LRRK2: variants seen among roughly 807,000 people sequenced by gnomAD.
LRRK2 encodes leucine-rich repeat serine/threonine-protein kinase 2.
LRRK2 carries 203 observed loss-of-function variants against 302.6 expected under a neutral mutation model. The observed-to-expected ratio is 0.67, with a 90% confidence interval of 0.60 to 0.75. LRRK2 has a LOEUF of 0.75. Among genes scored for constraint, LRRK2 ranks in the 30% least tolerant of loss-of-function variants. The probability of loss-of-function intolerance (pLI) is 0.00; values close to 1 mark genes in which losing one functional copy is unlikely to be tolerated. For missense variants in LRRK2, 2,830 were observed against 2,951.0 expected, an observed-to-expected ratio of 0.96 and a Z score of 0.95; for synonymous variants, 1,066 against 1,031.9, an observed-to-expected ratio of 1.03 and a Z score of -0.63.
chr12:40,250,013 A>T (rs1036371350), intron 8 of LRRK2, 68 bp downstream of exon 8: 3 of 1,576,620 alleles, frequency 1.9e-6, no homozygotes, highest in Admixed American at 3.5e-5. Context: ...CATTGTAACA[A>T]GAGAATCATA....
intron 18 of LRRK2, among the ~76,000 whole-genome samples, chr12:40,281,477 AG>A (rs1331819637): frequency 6.6e-6 from 1 of 152,224 alleles, no homozygotes; most frequent in Non-Finnish European, 1.5e-5. Flanking sequence ...GATCAGAGAA[AG>A]ATTGCAGGGA....
chr12:40,330,864 G>A (rs1225517634), intron 39 of LRRK2, among the ~76,000 whole-genome samples: 2 of 152,060 alleles, frequency 1.3e-5, no homozygotes, highest in African/African-American at 4.8e-5. Context: ...TCTCTTACAG[G>A]TTTCTAATAT....
intron 44 of LRRK2, among the ~76,000 whole-genome samples, chr12:40,352,509 A>T (rs1172841575): frequency 2.6e-5 from 3 of 115,506 alleles, no homozygotes; most frequent in African/African-American, 9.3e-5. Flanking sequence ...TTTCTCGCAG[A>T]GGGGGATTTG....
At chr12:40,315,448 G>C in intron 33 of LRRK2, 148 bp downstream of exon 33, 1 of 713,840 alleles carries the variant, frequency 1.4e-6, no homozygotes, top group Admixed American at 2.1e-5. Context: ...TCACATAGAA[G>C]ACTACTTGAA....
At chr12:40,343,636 G>GA (rs1376416818) in intron 41 of LRRK2, among the ~76,000 whole-genome samples, 9 of 152,090 alleles carry the variant, frequency 5.9e-5, no homozygotes, top group African/African-American at 1.4e-4. Context: ...AGGCTTCTCT[G>GA]AAAAATTATT....
intron 12 of LRRK2, among the ~76,000 whole-genome samples, chr12:40,258,463 A>G (rs900610263): frequency 1.3e-5 from 2 of 152,134 alleles, no homozygotes; most frequent in Admixed American, 6.6e-5. Context: ...AATGAGGCAA[A>G]AACACAGCGG....
At chr12:40,251,730 A>G (rs1377678091) in intron 10 of LRRK2, among the ~76,000 whole-genome samples, 186 bp downstream of exon 10, 2 of 152,218 alleles carry the variant, frequency 1.3e-5, no homozygotes, top group African/African-American at 2.4e-5. Flanking sequence ...GGAGTTAGAA[A>G]AGGTAGAATG....
chr12:40,351,410 A>C lies in LRRK2; in HGVS notation c.6382-129A>C, dbSNP rs1219779315. The C allele has an allele frequency of 6.9e-6, 5 of 725,908 alleles. No individual in the cohort carries two copies. The African/African-American group carries it at 8.8e-5, about 13-fold the overall frequency. 45.0% of individuals were successfully genotyped at this position (725,908 alleles called of 1,614,324 possible). On this transcript the variant is annotated intron_variant, in intron 43 of 50. Transcript: ENST00000298910. ...TTTAGATTACTAATCTTGGTGATCT[A>C]GTTGGGTTCCAGTTTAACAGTTTTA...
At position 40,322,383 on chromosome 12, in the gene LRRK2, G is replaced by A; in HGVS notation, c.5382G>A (p.Gly1794=). The change falls in exon 37 of 51, where the codon GGG becomes GGA. Residue 1794 remains glycine (G), a synonymous_variant. Transcript: ENST00000298910. The part of the protein sequence containing the change: ...IDSLMEEWFP[G]LLEIDICGEG... ...CTCTCATGGAAGAATGGTTTCCTGG[G>A]TTGCTGGAGATTGATATTTGTGGTG... is the stretch of plus-strand genomic sequence containing the variant. 1.2e-6 allele frequency: 2 copies of A among 1,613,696 alleles called. No homozygotes were observed. The highest frequency in any genetic ancestry group is 1.7e-4 in the Middle Eastern group (1 of 6,060).
intron 33 of LRRK2, among the ~76,000 whole-genome samples, chr12:40,319,489 A>G (rs1216282039): frequency 6.6e-6 from 1 of 152,108 alleles, no homozygotes; most frequent in African/African-American, 2.4e-5. Context: ...CACTGCAAGT[A>G]GAATCCATCA....
At chr12:40,233,260 C>A (rs954852915) in intron 3 of LRRK2, among the ~76,000 whole-genome samples, 4 of 152,222 alleles carry the variant, frequency 2.6e-5, no homozygotes, top group African/African-American at 9.6e-5. Context: ...AACTTTAAAT[C>A]TTTTTTATAC....
At chr12:40,364,034 T>G (rs1946800444) in intron 48 of LRRK2, among the ~76,000 whole-genome samples, 1 of 152,000 alleles carries the variant, frequency 6.6e-6, no homozygotes, top group South Asian at 2.1e-4. Context: ...CTTAGTCTGA[T>G]GCAGCCTGTG....
At chr12:40,272,436 GACA>G (rs1384548252) in intron 14 of LRRK2, among the ~76,000 whole-genome samples, 2 of 152,252 alleles carry the variant, frequency 1.3e-5, no homozygotes, top group African/African-American at 4.8e-5. Flanking sequence ...TGTACTTCGG[GACA>G]ACAATAGTGT....
At chr12:40,242,723 G>A (rs764583190) in intron 6 of LRRK2, among the ~76,000 whole-genome samples, 9 of 143,808 alleles carry the variant, frequency 6.3e-5, no homozygotes, top group South Asian at 2.2e-4. Context: ...GTTGAGCCTC[G>A]TTAAGAAATA....
At chr12:40,314,810 C>T (rs1024008007) in intron 32 of LRRK2, among the ~76,000 whole-genome samples, 2 of 151,916 alleles carry the variant, frequency 1.3e-5, no homozygotes, top group Non-Finnish European at 2.9e-5. Flanking sequence ...AATAGCTTCC[C>T]GTGGTTTATG....
intron 40 of LRRK2, among the ~76,000 whole-genome samples, chr12:40,335,787 T>TTGGAGACC (rs1945850345): frequency 6.6e-6 from 1 of 152,212 alleles, no homozygotes; most frequent in Non-Finnish European, 1.5e-5. Flanking sequence ...TCTGTAATAA[T>TTGGAGACC]TGGAGACATT....
At chr12:40,272,236 T>C (rs1230697400) in intron 14 of LRRK2, among the ~76,000 whole-genome samples, 2 of 152,210 alleles carry the variant, frequency 1.3e-5, no homozygotes, top group Non-Finnish European at 2.9e-5. Flanking sequence ...CTGGTACTGT[T>C]AATCAAACAG....
At chr12:40,262,963 C>A (rs1428411460) in intron 13 of LRRK2, among the ~76,000 whole-genome samples, 1 of 152,160 alleles carries the variant, frequency 6.6e-6, no homozygotes, top group East Asian at 1.9e-4. Context: ...ATCAAGGCTG[C>A]CTTCCTTACC....
intron 24 of LRRK2, 62 bp from the exon 25 acceptor site, chr12:40,299,046 TA>T: frequency 1.9e-6 from 3 of 1,551,174 alleles, no homozygotes; most frequent in East Asian, 2.3e-5. Flanking sequence ...TTGTTTTTGA[TA>T]TTTTTTCTTT....
Sources: allele counts gnomAD v4.1 joint callset (sites outside exome capture counted in the v4.1 genomes callset), GRCh38; gene constraint gnomAD v4.1.1; transcripts MANE v1.5; gene names NCBI Gene and HGNC (gene_info 2026-07-23, HGNC 2026-07-21).